The following GIMAP6 variants were observed in gnomAD, a reference collection of about 807,000 sequenced individuals.
GIMAP6 encodes GTPase, IMAP family member 6.
A neutral mutation model predicts 9.3 loss-of-function variants in GIMAP6; 6 were observed. The observed-to-expected ratio is 0.65, with a 90% CI of 0.35 to 1.27. The LOEUF is 1.27. Among genes scored for constraint, GIMAP6 ranks in the 50% most tolerant of loss-of-function variants. The pLI is 0.03. For synonymous variants in GIMAP6, 156 were observed against 151.1 expected, an observed-to-expected ratio of 1.03 and a Z score of -0.24; for missense variants, 333 against 359.5, an observed-to-expected ratio of 0.93 and a Z score of 0.60.
rs766873733 is a variant in GIMAP6, at chr7:150,627,889, G to A, written c.709C>T (p.Gln237Ter). ...EGDYYSNKAY[Q>*]YTQQNFRLKE... ...AGCCGAAAGTTTTGCTGGGTATATT[G>A]GTAAGCCTTGTTGCTGTAATAATCT... Residue 237 changes from glutamine to a stop codon, truncating the protein, a stop_gained, in exon 3 of 3, where the codon CAA (glutamine) becomes TAA (stop). Coordinates refer to ENST00000328902, the MANE Select transcript of GIMAP6 (RefSeq NM_024711.6). LOFTEE classifies it low-confidence loss of function (END_TRUNC). 2.5e-6 allele frequency: 4 copies of A among 1,614,080 alleles called. No homozygotes were observed. The African/African-American group carries it at 5.3e-5, about 22-fold the overall frequency.
Position 150,627,743 on chromosome 7 carries a change from G to A in GIMAP6, c.855C>T (p.Cys285=), listed in dbSNP as rs182376273. 14 of 1,613,788 alleles carry A rather than the reference G, an allele frequency of 8.7e-6. No homozygotes were observed. The East Asian group carries it at 3.1e-4, about 36-fold the overall frequency. ...CTCAAAGGTCAGCCTTCCCCAGCAG[G>A]CATCTGTGGGCTTCCTCAGATTCCT... is the stretch of plus-strand genomic sequence containing the variant. ...IQKESEEAHR[C]LLGKADL Residue 285 remains cysteine, a synonymous_variant, in exon 3 of 3, where the codon TGC becomes TGT. Coordinates refer to ENST00000328902, the MANE Select transcript of GIMAP6 (RefSeq NM_024711.6).
In GIMAP6 at chr7:150,627,963, A is replaced by AGT. The variant is rs1247044018; in HGVS notation, c.633_634dup (p.Leu212HisfsTer35). 1 of 1,614,226 alleles carries AGT rather than the reference A, an allele frequency of 6.2e-7. No individual in the cohort carries two copies. The highest frequency in any genetic ancestry group is 2.2e-5 in the East Asian group (1 of 44,872). ...TTCAACTTTCTCCATGAGCTCTCGC[A>AGT]GTTGGGCCTCCTGCTCCTCCCCCTG... On this transcript the variant is annotated frameshift_variant, in exon 3 of 3. Coordinates refer to ENST00000328902, the MANE Select transcript of GIMAP6 (RefSeq NM_024711.6). LOFTEE classifies it low-confidence loss of function (END_TRUNC).
In GIMAP6 at chr7:150,627,472, A is replaced by T. The variant is rs770186511; in HGVS notation, c.*247T>A. 5.2e-6 allele frequency: 3 copies of T among 578,526 alleles called. No homozygotes were observed. The highest frequency in any genetic ancestry group is 9.3e-6 in the Non-Finnish European group (3 of 323,640). 35.8% of individuals were successfully genotyped at this position (578,526 alleles called of 1,614,324 possible). A position where few individuals can be genotyped will look rare whatever the true frequency, so the allele number is the denominator to read the frequency against. On this transcript the variant is annotated 3_prime_UTR_variant, in exon 3 of 3. Transcript: ENST00000328902. ...AATGCAATGAGATAGAAGGTCCAAT[A>T]GGAAGACAGCGTGCTGTTGGGGCAC...
chr7:150,628,436 A>G lies in GIMAP6; in HGVS notation c.162T>C (p.Ser54=), dbSNP rs529942970. Residue 54 remains serine (S), a synonymous_variant, in exon 3 of 3, where the codon AGT becomes AGC. Transcript: ENST00000328902. The part of the protein sequence containing the change: ...ILMGKTGSGK[S]ATGNSILGRD... ...TGCCGAGGATGCTGTTTCCTGTTGC[A>G]CTCTTCCCACTCCCTGTTTTCCCCA... The G allele has an allele frequency of 9.9e-6, 16 of 1,613,524 alleles. 1 individual carries two copies. The Admixed American group carries it at 1.8e-4, about 18-fold the overall frequency.
chr7:150,627,678 G>T lies in GIMAP6; in HGVS notation c.*41C>A. On this transcript the variant is annotated 3_prime_UTR_variant, in exon 3 of 3. Transcript: ENST00000328902. ...AACAGAGGGCTGGACACAGGGGGGT[G>T]CAAAGGCTGATGGTGTCCTTGGCTC... The T allele has an allele frequency of 6.2e-7, 1 of 1,611,212 alleles. No individual in the cohort carries two copies. The highest frequency in any genetic ancestry group is 8.5e-7 in the Non-Finnish European group (1 of 1,178,096).
At chr7:150,631,354 G>A (rs1163075032) in intron 1 of GIMAP6, among the ~76,000 whole-genome samples, 1 of 152,176 alleles carries the variant, frequency 6.6e-6, no homozygotes, top group East Asian at 1.9e-4. Flanking sequence ...GAAGAAGCAG[G>A]CCAGGCGGAC....
In GIMAP6 at chr7:150,630,146, C is replaced by CAAAAA. The variant is rs58764098; in HGVS notation, c.1-9_1-5dup. 66 of 936,178 alleles carry CAAAAA rather than the reference C, an allele frequency of 7.0e-5. No individual in the cohort carries two copies. In the South Asian group the frequency reaches 7.3e-4, roughly 10 times the overall value. 58.0% of individuals were successfully genotyped at this position (936,178 alleles called of 1,614,324 possible). A position where few individuals can be genotyped will look rare whatever the true frequency, so the allele number is the denominator to read the frequency against. On this transcript the variant is annotated splice_polypyrimidine_tract_variant and splice_region_variant and intron_variant, in intron 1 of 2. Coordinates refer to ENST00000328902, the MANE Select transcript of GIMAP6 (RefSeq NM_024711.6). The stretch of plus-strand genomic sequence containing the variant: ...GTTCATATTCTTCTTCCTCCATCTA[C>CAAAAA]AAAAAAAAAAAAAAAAAAAAAATCA...
rs768662723 is a variant in GIMAP6, at chr7:150,627,863, C to T, written c.735G>A (p.Leu245=). The change falls in exon 3 of 3, where the codon CTG becomes CTA. Residue 245 remains leucine, a synonymous_variant. Transcript: ENST00000328902. ...TTACTTGCCTTTCCTGTAGTTCTTT[C>T]AGCCGAAAGTTTTGCTGGGTATATT... is the stretch of plus-strand genomic sequence containing the variant. ...AYQYTQQNFR[L]KELQERQVSQ... is the part of the protein sequence containing the mutation. The T allele has an allele frequency of 3.7e-6, 6 of 1,614,148 alleles. No individual in the cohort carries two copies. Among genetic ancestry groups the T allele is most frequent in the Non-Finnish European group, 5.1e-6 (6 of 1,180,048 alleles).
At chr7:150,631,472 G>T (rs1796390545) in intron 1 of GIMAP6, among the ~76,000 whole-genome samples, 1 of 152,146 alleles carries the variant, frequency 6.6e-6, no homozygotes, top group Non-Finnish European at 1.5e-5. Flanking sequence ...CTTTGTCCCT[G>T]GCTTCCTTAC....
In GIMAP6 at chr7:150,625,899, T is replaced by C. The variant is rs185347013; in HGVS notation, c.*1820A>G. 1.3e-5 allele frequency: 2 copies of C among 152,302 alleles called. No homozygotes were observed. Among genetic ancestry groups the C allele is most frequent in the East Asian group, 3.9e-4 (2 of 5,190 alleles). 9.4% of individuals were successfully genotyped at this position (152,302 alleles called of 1,614,324 possible). A position where few individuals can be genotyped will look rare whatever the true frequency, so the allele number is the denominator to read the frequency against. ...TAGAAGACATGAACAGAAATAAAAATTCTGACCAAATCTTAAGGAGTGTGA... is the reference window on the plus strand; with the variant it reads ...TAGAAGACATGAACAGAAATAAAAACTCTGACCAAATCTTAAGGAGTGTGA... On this transcript the variant is annotated 3_prime_UTR_variant, in exon 3 of 3. Coordinates refer to ENST00000328902, the MANE Select transcript of GIMAP6 (RefSeq NM_024711.6).
At chr7:150,631,602 G>C (rs1428568265) in intron 1 of GIMAP6, among the ~76,000 whole-genome samples, 4 of 152,188 alleles carry the variant, frequency 2.6e-5, no homozygotes, top group African/African-American at 9.7e-5. Context: ...TGGCATGCAG[G>C]AACCTGCACT....
At chr7:150,630,755 G>A (rs911652351) in intron 1 of GIMAP6, among the ~76,000 whole-genome samples, 5 of 152,252 alleles carry the variant, frequency 3.3e-5, no homozygotes, top group African/African-American at 1.2e-4. Context: ...CCACCAGTTA[G>A]CTCTGTCTGG....
Position 150,628,034 on chromosome 7 carries a change from C to A in GIMAP6, c.564G>T (p.Leu188=). The part of the protein sequence containing the change: ...RETNNQALAW[L]DVTLARRHCG... ...AATGGCGCCGTGCAAGGGTCACATC[C>A]AGCCAGGCAAGGGCCTGGTTGTTGG... The change falls in exon 3 of 3, where the codon CTG becomes CTT. Residue 188 remains leucine (L), a synonymous_variant. Transcript: ENST00000328902. 1.2e-6 allele frequency: 2 copies of A among 1,614,252 alleles called. No homozygotes were observed. Among genetic ancestry groups the A allele is most frequent in the Non-Finnish European group, 1.7e-6 (2 of 1,180,034 alleles).
chr7:150,630,146 CAAAAAAAAA>C lies in GIMAP6; in HGVS notation c.1-13_1-5del, dbSNP rs58764098. ...GTTCATATTCTTCTTCCTCCATCTA[CAAAAAAAAA>C]AAAAAAAAAAAAATCATATGTTCTA... On this transcript the variant is annotated splice_polypyrimidine_tract_variant and splice_region_variant and intron_variant, in intron 1 of 2. Transcript: ENST00000328902. 3,417 of 936,192 alleles carry C rather than the reference CAAAAAAAAA, an allele frequency of 3.6e-3. 53 individuals carry two copies. The African/African-American group carries it at 0.061, about 17-fold the overall frequency. 58.0% of individuals were successfully genotyped at this position (936,192 alleles called of 1,614,324 possible).
intron 2 of GIMAP6, among the ~76,000 whole-genome samples, chr7:150,628,992 CA>C (rs997649114): frequency 2.0e-5 from 3 of 152,242 alleles, no homozygotes; most frequent in Non-Finnish European, 2.9e-5. Context: ...TGGGCACCAA[CA>C]GGCCTTGCTG....
Position 150,628,487 on chromosome 7 carries a change from G to T in GIMAP6, c.111C>A (p.Thr37=). The change falls in exon 3 of 3, where the codon ACC becomes ACA. Residue 37 remains threonine (T), a synonymous_variant. Transcript: ENST00000328902. ...TGAGAATGAGCCTCAGTCTCCTTGGGGTCTTCTGTTCTTTCTCCCTTAGAC... is the reference window on the plus strand; with the variant it reads ...TGAGAATGAGCCTCAGTCTCCTTGGTGTCTTCTGTTCTTTCTCCCTTAGAC... ...SGGLREKEQK[T]PRRLRLILMG... The T allele has an allele frequency of 1.2e-6, 2 of 1,613,936 alleles. No individual in the cohort carries two copies. The highest frequency in any genetic ancestry group is 1.7e-6 in the Non-Finnish European group (2 of 1,180,024).
chr7:150,627,687 G>A lies in GIMAP6; in HGVS notation c.*32C>T, dbSNP rs1796317691. The A allele has an allele frequency of 6.2e-7, 1 of 1,612,030 alleles. No individual in the cohort carries two copies. The highest frequency in any genetic ancestry group is 8.5e-7 in the Non-Finnish European group (1 of 1,178,912). ...CTGGACACAGGGGGGTGCAAAGGCT[G>A]ATGGTGTCCTTGGCTCAAGTCCAGC... On this transcript the variant is annotated 3_prime_UTR_variant, in exon 3 of 3. Transcript: ENST00000328902.
At position 150,629,918 on chromosome 7, in the gene GIMAP6, C is replaced by T. The variant is rs1796362306; in HGVS notation, c.85+140G>A. 5 of 675,938 alleles carry T rather than the reference C, an allele frequency of 7.4e-6. No homozygotes were observed. The South Asian group carries it at 9.1e-5, about 12-fold the overall frequency. 41.9% of individuals were successfully genotyped at this position (675,938 alleles called of 1,614,324 possible). A position where few individuals can be genotyped will look rare whatever the true frequency, so the allele number is the denominator to read the frequency against. On this transcript the variant is annotated intron_variant, in intron 2 of 2. Coordinates refer to ENST00000328902, the MANE Select transcript of GIMAP6 (RefSeq NM_024711.6). ...ATAAGAAGGGCCCTACCCCAAAGGCCTCTGATGGTGGCTGAGGCGGGTAAA... is the reference window on the plus strand; with the variant it reads ...ATAAGAAGGGCCCTACCCCAAAGGCTTCTGATGGTGGCTGAGGCGGGTAAA...
At position 150,628,460 on chromosome 7, in the gene GIMAP6, C is replaced by T; in HGVS notation, c.138G>A (p.Met46Ile). ...CACTCTTCCCACTCCCTGTTTTCCCCATGAGAATGAGCCTCAGTCTCCTTG... is the reference window on the plus strand; with the variant it reads ...CACTCTTCCCACTCCCTGTTTTCCCTATGAGAATGAGCCTCAGTCTCCTTG... Reference protein sequence around the residue: ...KTPRRLRLILMGKTGSGKSAT... With the variant: ...KTPRRLRLILIGKTGSGKSAT... Residue 46 changes from methionine (M) to isoleucine (I), a missense_variant, in exon 3 of 3, where the codon ATG becomes ATA. Met to Ile is a conservative substitution (Grantham distance 10, BLOSUM62 1). Transcript: ENST00000328902. 6.2e-7 allele frequency: 1 copy of T among 1,614,188 alleles called. No homozygotes were observed. Among genetic ancestry groups the T allele is most frequent in the Non-Finnish European group, 8.5e-7 (1 of 1,180,022 alleles).
Sources: allele counts gnomAD v4.1 joint callset (sites outside exome capture counted in the v4.1 genomes callset), GRCh38; gene constraint gnomAD v4.1.1; transcripts MANE v1.5; gene names NCBI Gene and HGNC (gene_info 2026-07-23, HGNC 2026-07-21).